Variants in UTRN observed in about 807,000 individuals in gnomAD.
UTRN encodes the protein dystrophin-related protein 1.
In UTRN, 283 loss-of-function variants were observed where a neutral mutation model predicts 463.9. The observed-to-expected ratio is 0.61, with a 90% confidence interval of 0.55 to 0.67. UTRN has a LOEUF of 0.67. UTRN is among the 30% of genes least tolerant of loss of function. UTRN has a pLI of 0.00. For missense variants in UTRN, 3,922 were observed against 4,084.3 expected, an observed-to-expected ratio of 0.96 and a Z score of 1.08; for synonymous variants, 1,442 against 1,431.5, an observed-to-expected ratio of 1.01 and a Z score of -0.17.
chr6:144,433,112 G>T (rs374704257), intron 9 of UTRN, among the ~76,000 whole-genome samples: 1 of 151,854 alleles, frequency 6.6e-6, no homozygotes, highest in African/African-American at 2.4e-5. Flanking sequence ...GCAACCATCC[G>T]ATTTCTCAAT....
At chr6:144,391,509 G>A (rs1325881059) in intron 2 of UTRN, among the ~76,000 whole-genome samples, 1 of 152,084 alleles carries the variant, frequency 6.6e-6, no homozygotes, top group Non-Finnish European at 1.5e-5. Context: ...TCCTATAAGG[G>A]TCATAATAAA....
chr6:144,344,285 G>T lies in UTRN; in HGVS notation c.79+52378G>T, dbSNP rs1281058917. On this transcript the variant is annotated intron_variant, in intron 2 of 74. Coordinates refer to ENST00000367545, the MANE Select transcript of UTRN (RefSeq NM_007124.3). ...ATTTGCCAGGGCATGTAGCTCTCCAGGCTTGCAAGCGATTACCAGGTAAGT... is the reference window on the plus strand; with the variant it reads ...ATTTGCCAGGGCATGTAGCTCTCCATGCTTGCAAGCGATTACCAGGTAAGT... 4 of 1,304,000 alleles carry T rather than the reference G, an allele frequency of 3.1e-6. No individual in the cohort carries two copies. The East Asian group carries it at 1.7e-4, about 54-fold the overall frequency. 80.8% of individuals were successfully genotyped at this position (1,304,000 alleles called of 1,614,324 possible).
At chr6:144,556,777 G>A (rs941237314) in intron 49 of UTRN, among the ~76,000 whole-genome samples, 3 of 152,092 alleles carry the variant, frequency 2.0e-5, no homozygotes, top group Non-Finnish European at 4.4e-5. Context: ...GATTCTTCAC[G>A]TTTCTCCAGG....
chr6:144,389,311 G>A (rs548680129), intron 2 of UTRN, among the ~76,000 whole-genome samples: 25 of 152,148 alleles, frequency 1.6e-4, no homozygotes, highest in Non-Finnish European at 3.1e-4. Flanking sequence ...AACGGGAGGC[G>A]GGTTTGCCCT....
In UTRN at chr6:144,469,971, T is replaced by TA. The variant is rs535978123; in HGVS notation, c.3067-3747dup. ...CATCTTGCACCGCCCTTAATCCATT[T>TA]AACCCTTAGTGGACACAGCACATGT... On this transcript the variant is annotated intron_variant, in intron 23 of 74. Transcript: ENST00000367545. 2.8e-3 allele frequency among the ~76,000 whole-genome samples: 419 copies of TA among 152,316 alleles called. 4 individuals are homozygous for TA. Among genetic ancestry groups the TA allele is most frequent in the Non-Finnish European group, 4.7e-3 (322 of 68,032 alleles).
chr6:144,300,983 C>G (rs1211957359), intron 2 of UTRN, among the ~76,000 whole-genome samples: 1 of 151,882 alleles, frequency 6.6e-6, no homozygotes, highest in Non-Finnish European at 1.5e-5. Flanking sequence ...TAAATATTGT[C>G]TCAGGGGTGG....
At chr6:144,556,383 TG>T (rs3838687) in intron 49 of UTRN, among the ~76,000 whole-genome samples, 20,818 of 152,230 alleles carry the variant, frequency 0.14, 1,751 homozygotes, top group Middle Eastern at 0.24. Flanking sequence ...GTGAAGCCCC[TG>T]GCCCCTTAAC....
At chr6:144,759,786 C>T (rs1167192668) in intron 58 of UTRN, among the ~76,000 whole-genome samples, 5 of 152,198 alleles carry the variant, frequency 3.3e-5, no homozygotes, top group Admixed American at 3.3e-4. Flanking sequence ...ATGGGATTCT[C>T]TCTTAGAACC....
intron 60 of UTRN, among the ~76,000 whole-genome samples, chr6:144,779,948 TAA>T (rs35161598): frequency 1.2e-4 from 18 of 146,522 alleles, no homozygotes; most frequent in African/African-American, 2.2e-4. Flanking sequence ...TTTATCTCTT[TAA>T]AAAAAAAAAA....
At chr6:144,406,976 A>G (rs1783478407) in intron 3 of UTRN, among the ~76,000 whole-genome samples, 1 of 151,830 alleles carries the variant, frequency 6.6e-6, no homozygotes, top group Non-Finnish European at 1.5e-5. Context: ...CTTTGCACAC[A>G]GTCCTTTCTC....
chr6:144,753,342 TG>T (rs2128724253), intron 56 of UTRN, among the ~76,000 whole-genome samples: 1 of 152,282 alleles, frequency 6.6e-6, no homozygotes, highest in South Asian at 2.1e-4. Flanking sequence ...AGGCTAGGCA[TG>T]GGGGCTCTTG....
chr6:144,675,557 G>A lies in UTRN; in HGVS notation c.7480-2849G>A, dbSNP rs1233671825. On this transcript the variant is annotated intron_variant, in intron 51 of 74. Transcript: ENST00000367545. ...TTGGAGCAGGGTTGTTCTGTTATGA[G>A]TTGCTGTCATAACTTGAGTTGGTTG... is the stretch of plus-strand genomic sequence containing the variant. Among the ~76,000 whole-genome samples the A allele has an allele frequency of 5.3e-5, 8 of 152,188 alleles. 1 individual carries two copies. In the South Asian group the frequency reaches 8.3e-4, roughly 16 times the overall value.
At chr6:144,472,357 CAG>C (rs910987200) in intron 23 of UTRN, among the ~76,000 whole-genome samples, 6 of 150,100 alleles carry the variant, frequency 4.0e-5, no homozygotes, top group African/African-American at 9.8e-5. Flanking sequence ...ATTAGATACA[CAG>C]AGTGATAACA....
chr6:144,490,045 C>T, intron 30 of UTRN, 26 bp from the exon 31 acceptor site: 1 of 1,598,938 alleles, frequency 6.3e-7, no homozygotes, highest in Non-Finnish European at 8.5e-7. Context: ...AAAGGACATC[C>T]TCTCCCCTTT....
chr6:144,512,466 A>C (rs1374181658), intron 35 of UTRN, among the ~76,000 whole-genome samples: 1 of 151,982 alleles, frequency 6.6e-6, no homozygotes, highest in African/African-American at 2.4e-5. Context: ...ATCATTTATT[A>C]GTTCACATTT....
At position 144,574,161 on chromosome 6, in the gene UTRN, G is replaced by C. The variant is rs754269134; in HGVS notation, c.7290-2938G>C. Reference sequence around the variant, plus strand: ...GGAGCACACCACTATTACCTAAACAGAGTATTGAAGAAAACTAGGGGATAA... The same window carrying C: ...GGAGCACACCACTATTACCTAAACACAGTATTGAAGAAAACTAGGGGATAA... On this transcript the variant is annotated intron_variant, in intron 50 of 74. Coordinates refer to ENST00000367545, the MANE Select transcript of UTRN (RefSeq NM_007124.3). Among the ~76,000 whole-genome samples the C allele has an allele frequency of 4.6e-5, 7 of 152,314 alleles. No individual in the cohort carries two copies. In the South Asian group the frequency reaches 6.2e-4, roughly 14 times the overall value.
At chr6:144,362,777 G>A (rs949777249) in intron 2 of UTRN, among the ~76,000 whole-genome samples, 10 of 152,152 alleles carry the variant, frequency 6.6e-5, no homozygotes, top group Non-Finnish European at 4.4e-5. Context: ...TGATTTCCAC[G>A]CGATGCAATA....
At chr6:144,692,194 C>A (rs995783868) in intron 52 of UTRN, among the ~76,000 whole-genome samples, 1 of 152,216 alleles carries the variant, frequency 6.6e-6, no homozygotes, top group African/African-American at 2.4e-5. Flanking sequence ...CCTCCAGCTT[C>A]ATCCCTGTTC....
intron 3 of UTRN, among the ~76,000 whole-genome samples, chr6:144,404,185 G>A (rs1783178157): frequency 6.6e-6 from 1 of 152,058 alleles, no homozygotes; most frequent in African/African-American, 2.4e-5. Context: ...TATCTTGAGG[G>A]GTATTTTATC....
Sources: gnomAD v4.1 joint callset for allele counts (sites outside exome capture counted in the v4.1 genomes callset) on GRCh38, gnomAD v4.1.1 for gene constraint, MANE v1.5 for transcripts, NCBI Gene and HGNC (gene_info 2026-07-23, HGNC 2026-07-21) for gene names.